The following WWOX variants were observed in gnomAD, a reference collection of about 807,000 sequenced individuals.
WWOX encodes the protein WW domain-containing oxidoreductase.
In WWOX, 69 loss-of-function variants were observed where a neutral mutation model predicts 46.2. That is an observed-to-expected ratio of 1.49 (90% CI 1.23 to 1.82). The LOEUF is 1.82. Among genes scored for constraint, WWOX ranks in the 40% most tolerant of loss-of-function variants. WWOX has a pLI of 0.00. For missense variants in WWOX, 919 were observed against 542.6 expected, an observed-to-expected ratio of 1.69 and a Z score of -6.89; for synonymous variants, 359 against 202.6, an observed-to-expected ratio of 1.77 and a Z score of -6.56.
At chr16:78,440,501 G>C (rs766090939) in intron 8 of WWOX, among the ~76,000 whole-genome samples, 1 of 152,116 alleles carries the variant, frequency 6.6e-6, no homozygotes, top group Non-Finnish European at 1.5e-5. Flanking sequence ...CTAGAATACT[G>C]CCTGACTCGT....
intron 8 of WWOX, among the ~76,000 whole-genome samples, chr16:78,829,119 GAT>G (rs1567589177): frequency 0.014 from 2,136 of 152,158 alleles, 50 homozygotes; most frequent in African/African-American, 0.05. Flanking sequence ...TGGATGGATG[GAT>G]GGATGGATGG....
chr16:79,118,430 G>C (rs542627509), intron 8 of WWOX, among the ~76,000 whole-genome samples: 1 of 152,162 alleles, frequency 6.6e-6, no homozygotes, highest in South Asian at 2.1e-4. Context: ...TAATTTAAAA[G>C]CTTGAAATAT....
chr16:78,211,704 G>C (rs1053089378), intron 5 of WWOX, among the ~76,000 whole-genome samples: 35 of 152,244 alleles, frequency 2.3e-4, no homozygotes, highest in African/African-American at 7.7e-4. Flanking sequence ...GAAGAGTTCA[G>C]GGTGAGAATG....
chr16:78,284,239 G>A (rs140823782), intron 5 of WWOX, among the ~76,000 whole-genome samples: 207 of 152,222 alleles, frequency 1.4e-3, no homozygotes, highest in Middle Eastern at 6.8e-3. Flanking sequence ...GGTAACTTCC[G>A]TCTACTTTTT....
At chr16:78,729,018 C>G (rs2048900979) in intron 8 of WWOX, among the ~76,000 whole-genome samples, 1 of 152,070 alleles carries the variant, frequency 6.6e-6, no homozygotes, top group Admixed American at 6.5e-5. Flanking sequence ...GGTCATCCCC[C>G]TAAAGATATC....
In WWOX at chr16:78,115,158, G is replaced by C; in HGVS notation, c.409+4G>C. 6.2e-7 allele frequency: 1 copy of C among 1,614,174 alleles called. No homozygotes were observed. The highest frequency in any genetic ancestry group is 1.3e-5 in the African/African-American group (1 of 75,052). ...ACTGGAGCTAATTCAGGAATAGGTA[G>C]GCTCTTCACTTAGTTATTTATCTTT... On this transcript the variant is annotated splice_donor_region_variant and intron_variant, in intron 4 of 8. Coordinates refer to ENST00000566780, the MANE Select transcript of WWOX (RefSeq NM_016373.4).
At chr16:78,517,570 T>TC (rs2043263534) in intron 8 of WWOX, among the ~76,000 whole-genome samples, 1 of 152,180 alleles carries the variant, frequency 6.6e-6, no homozygotes, top group Admixed American at 6.5e-5. Context: ...TCTGTAACTG[T>TC]CATATTGTGG....
chr16:78,149,739 G>C lies in WWOX; in HGVS notation c.410-14444G>C, dbSNP rs184286812. Among the ~76,000 whole-genome samples the C allele has an allele frequency of 2.1e-3, 325 of 152,300 alleles. 2 individuals are homozygous for C. The highest frequency in any genetic ancestry group is 6.3e-3 in the African/African-American group (261 of 41,580). On this transcript the variant is annotated intron_variant, in intron 4 of 8. Coordinates refer to ENST00000566780, the MANE Select transcript of WWOX (RefSeq NM_016373.4). ...TCGTAATATCCACAGAGAATAGATG[G>C]CAAATCCCATGATTTGTATTTGACT...
At chr16:78,113,144 C>T (rs1045713714) in intron 3 of WWOX, among the ~76,000 whole-genome samples, 1 of 152,130 alleles carries the variant, frequency 6.6e-6, no homozygotes, top group Non-Finnish European at 1.5e-5. Flanking sequence ...GGTTCCTGGA[C>T]CAGCAGCATT....
chr16:78,878,148 C>T (rs2044270922), intron 8 of WWOX, among the ~76,000 whole-genome samples: 2 of 152,192 alleles, frequency 1.3e-5, no homozygotes, highest in South Asian at 2.1e-4. Context: ...CTTGAGCAGC[C>T]ATGCCTGCTT....
intron 8 of WWOX, among the ~76,000 whole-genome samples, chr16:78,662,964 A>G (rs2047251759): frequency 6.6e-6 from 1 of 152,170 alleles, no homozygotes; most frequent in South Asian, 2.1e-4. Flanking sequence ...TTTTAACTTA[A>G]TCTTGGAAGT....
chr16:78,532,889 A>T (rs942187209), intron 8 of WWOX, among the ~76,000 whole-genome samples: 6 of 152,312 alleles, frequency 3.9e-5, no homozygotes, highest in East Asian at 1.9e-4. Flanking sequence ...GCCAAACCAT[A>T]TCAAAAACCA....
At chr16:78,380,228 G>C (rs919968726) in intron 5 of WWOX, among the ~76,000 whole-genome samples, 9 of 152,134 alleles carry the variant, frequency 5.9e-5, no homozygotes, top group African/African-American at 2.2e-4. Flanking sequence ...GGGCAAGGAG[G>C]GTTGGGGGAT....
intron 8 of WWOX, among the ~76,000 whole-genome samples, chr16:78,508,027 T>A (rs996664933): frequency 6.0e-4 from 90 of 150,994 alleles, no homozygotes; most frequent in Non-Finnish European, 1.2e-3. Flanking sequence ...TGTGTGTGTG[T>A]GACGGAGTCT....
At chr16:78,120,506 C>A (rs1351789878) in intron 4 of WWOX, among the ~76,000 whole-genome samples, 1 of 151,150 alleles carries the variant, frequency 6.6e-6, no homozygotes, top group Non-Finnish European at 1.5e-5. Context: ...GGAAGTGGAG[C>A]TTGCAGTGAG....
At chr16:78,800,153 A>T (rs754159083) in intron 8 of WWOX, among the ~76,000 whole-genome samples, 1 of 152,172 alleles carries the variant, frequency 6.6e-6, no homozygotes, top group South Asian at 2.1e-4. Context: ...AATATCTTCA[A>T]TGCAATTATA....
At chr16:78,120,353 G>C (rs1398061056) in intron 4 of WWOX, among the ~76,000 whole-genome samples, 1 of 152,118 alleles carries the variant, frequency 6.6e-6, no homozygotes, top group Non-Finnish European at 1.5e-5. Flanking sequence ...GGTGGATCAT[G>C]AGGTCAGGAG....
At chr16:78,954,615 A>T (rs2046128025) in intron 8 of WWOX, among the ~76,000 whole-genome samples, 1 of 152,160 alleles carries the variant, frequency 6.6e-6, no homozygotes. Context: ...CATAAATAAG[A>T]ACAAATAAGA....
chr16:79,123,909 C>T (rs2049694113), intron 8 of WWOX, among the ~76,000 whole-genome samples: 1 of 152,124 alleles, frequency 6.6e-6, no homozygotes, highest in South Asian at 2.1e-4. Context: ...TTGATTAAAC[C>T]GATACCCTGG....
Sources: allele counts gnomAD v4.1 joint callset (sites outside exome capture counted in the v4.1 genomes callset), GRCh38; gene constraint gnomAD v4.1.1; transcripts MANE v1.5; gene names NCBI Gene and HGNC (gene_info 2026-07-23, HGNC 2026-07-21).